The following KANK1 variants were observed in gnomAD, a reference collection of about 807,000 sequenced individuals.
KANK1 encodes KN motif and ankyrin repeat domain-containing protein 1.
Under a neutral mutation model 106.2 loss-of-function variants are expected in KANK1, and 109 were observed. The observed-to-expected ratio is 1.03, with a 90% CI of 0.88 to 1.20. KANK1 has a LOEUF of 1.20. Ranked by LOEUF, KANK1 falls within the 50% of genes most tolerant of loss-of-function variation. The pLI is 0.00. For missense variants in KANK1, 2,399 were observed against 1,710.7 expected, an observed-to-expected ratio of 1.40 and a Z score of -7.10; for synonymous variants, 873 against 652.2, an observed-to-expected ratio of 1.34 and a Z score of -5.16.
chr9:571,377 T>G (rs1400347568), intron 1 of KANK1, among the ~76,000 whole-genome samples: 1 of 152,198 alleles, frequency 6.6e-6, no homozygotes, highest in African/African-American at 2.4e-5. Context: ...ATGGATTTGT[T>G]CCAGTGTTGG....
chr9:729,266 A>G (rs993626525), intron 3 of KANK1, among the ~76,000 whole-genome samples: 1 of 152,230 alleles, frequency 6.6e-6, no homozygotes, highest in Non-Finnish European at 1.5e-5. Context: ...AAGGGAGTCT[A>G]AAACCATCAT....
intron 1 of KANK1, among the ~76,000 whole-genome samples, chr9:623,908 T>G (rs1410595228): frequency 6.6e-6 from 1 of 152,116 alleles, no homozygotes; most frequent in Non-Finnish European, 1.5e-5. Flanking sequence ...AATTAGTATG[T>G]CAAAGAGATA....
chr9:744,700 G>A (rs879359386), intron 11 of KANK1, 111 bp downstream of exon 11: 3 of 1,591,766 alleles, frequency 1.9e-6, no homozygotes, highest in Non-Finnish European at 1.7e-6. Flanking sequence ...TCAGAAAATG[G>A]AAGTTTTAGT....
At chr9:663,938 CATGGGAACTCTTCAA>C (rs1383122918) in intron 1 of KANK1, among the ~76,000 whole-genome samples, 2 of 152,106 alleles carry the variant, frequency 1.3e-5, no homozygotes, top group African/African-American at 4.8e-5. Flanking sequence ...CAGATGCTCT[CATGGGAACTCTTCAA>C]ATAAGGTCGT....
chr9:552,840 T>A (rs1422958244), intron 1 of KANK1, among the ~76,000 whole-genome samples: 1 of 152,228 alleles, frequency 6.6e-6, no homozygotes, highest in African/African-American at 2.4e-5. Context: ...ATGTGATCCT[T>A]TGTTAGAAAT....
At chr9:723,938 G>A (rs373916910) in intron 3 of KANK1, among the ~76,000 whole-genome samples, 80 of 135,222 alleles carry the variant, frequency 5.9e-4, no homozygotes, top group African/African-American at 1.7e-3. Flanking sequence ...TTAAAAATAC[G>A]AAAAAAAAAA....
chr9:672,322 T>G (rs1314507785), intron 1 of KANK1, among the ~76,000 whole-genome samples: 1 of 152,238 alleles, frequency 6.6e-6, no homozygotes, highest in African/African-American at 2.4e-5. Flanking sequence ...TTTTTAAAAG[T>G]CCCTTGAATG....
chr9:497,360 G>C (rs1270092662), intron 3 of KANK1, among the ~76,000 whole-genome samples: 3 of 152,128 alleles, frequency 2.0e-5, no homozygotes, highest in African/African-American at 7.2e-5. Flanking sequence ...CTGTCCCACT[G>C]TGCACGCCCT....
At chr9:707,526 G>C (rs373988277) in intron 2 of KANK1, among the ~76,000 whole-genome samples, 1 of 111,388 alleles carries the variant, frequency 9.0e-6, no homozygotes, top group African/African-American at 3.6e-5. Flanking sequence ...TGTTAATGGA[G>C]TTTCAGACAG....
chr9:716,308 A>T (rs1827678323), intron 3 of KANK1, among the ~76,000 whole-genome samples: 2 of 152,244 alleles, frequency 1.3e-5, no homozygotes, highest in African/African-American at 4.8e-5. Context: ...CACAGAGTAT[A>T]AATGCTCAAT....
chr9:680,134 A>G (rs1817246341), intron 2 of KANK1, among the ~76,000 whole-genome samples: 1 of 152,166 alleles, frequency 6.6e-6, no homozygotes, highest in African/African-American at 2.4e-5. Context: ...AATTTCCAAA[A>G]ATTGCTGCTT....
intron 2 of KANK1, among the ~76,000 whole-genome samples, chr9:691,179 A>G (rs1819816838): frequency 1.3e-5 from 2 of 152,150 alleles, no homozygotes; most frequent in African/African-American, 2.4e-5. Flanking sequence ...CCTCACCTTC[A>G]CAGAAGCACA....
chr9:562,304 G>A (rs935631080), intron 1 of KANK1, among the ~76,000 whole-genome samples: 81 of 151,094 alleles, frequency 5.4e-4, no homozygotes, highest in African/African-American at 1.9e-3. Context: ...CACCCGCCTC[G>A]GCCTCCCAAA....
chr9:491,749 A>G (rs958828730), intron 3 of KANK1, among the ~76,000 whole-genome samples: 20 of 152,216 alleles, frequency 1.3e-4, no homozygotes, highest in African/African-American at 4.6e-4. Flanking sequence ...ATCTTGAATT[A>G]TAACTCCTAC....
intron 1 of KANK1, among the ~76,000 whole-genome samples, chr9:633,037 G>T (rs889726363): frequency 1.3e-4 from 20 of 152,034 alleles, no homozygotes; most frequent in African/African-American, 4.8e-4. Flanking sequence ...GAGGTAACAT[G>T]GCCCCCTCCC....
chr9:691,274 A>G (rs1027795016), intron 2 of KANK1, among the ~76,000 whole-genome samples: 2 of 149,048 alleles, frequency 1.3e-5, no homozygotes, highest in African/African-American at 4.9e-5. Context: ...AACTCTTACC[A>G]GAACACAATA....
At chr9:516,392 C>T (rs964691659) in intron 1 of KANK1, among the ~76,000 whole-genome samples, 6 of 151,626 alleles carry the variant, frequency 4.0e-5, no homozygotes, top group African/African-American at 1.5e-4. Flanking sequence ...TCAGCTCTGG[C>T]ATGAAACAGT....
intron 2 of KANK1, among the ~76,000 whole-genome samples, chr9:706,568 CT>C (rs71314729): frequency 0.48 from 65,926 of 137,920 alleles, 15,907 homozygotes; most frequent in South Asian, 0.6. Flanking sequence ...CTGTATGTGG[CT>C]TTTTTTTTTT....
At chr9:678,181 T>C (rs1322006725) in intron 2 of KANK1, among the ~76,000 whole-genome samples, 1 of 152,226 alleles carries the variant, frequency 6.6e-6, no homozygotes, top group Non-Finnish European at 1.5e-5. Flanking sequence ...ATTCCATTTT[T>C]GACCTTTTTT....
Sources: gnomAD v4.1 joint callset for allele counts (sites outside exome capture counted in the v4.1 genomes callset) on GRCh38, gnomAD v4.1.1 for gene constraint, MANE v1.5 for transcripts, NCBI Gene and HGNC (gene_info 2026-07-23, HGNC 2026-07-21) for gene names.